The following MPPED2 variants were observed in gnomAD, a reference collection of about 807,000 sequenced individuals.
MPPED2 encodes the protein metallophosphoesterase domain containing 2, also known as metallophosphoesterase MPPED2.
In MPPED2, 5 loss-of-function variants were observed where a neutral mutation model predicts 33.0. The ratio of observed to expected loss-of-function variants is 0.15; its 90% CI spans 0.08 to 0.32. The LOEUF (loss-of-function observed/expected upper bound fraction) is 0.32. Ranked by LOEUF, MPPED2 falls within the 10% of genes least tolerant of loss-of-function variation. MPPED2 has a pLI of 1.00. For synonymous variants in MPPED2, 136 were observed against 141.9 expected, an observed-to-expected ratio of 0.96 and a Z score of 0.29; for missense variants, 275 against 372.1, an observed-to-expected ratio of 0.74 and a Z score of 2.15.
intron 4 of MPPED2, among the ~76,000 whole-genome samples, chr11:30,431,601 G>A (rs1949080079): frequency 6.6e-6 from 1 of 152,192 alleles, no homozygotes; most frequent in Non-Finnish European, 1.5e-5. Flanking sequence ...TGATAAAGCA[G>A]ATGGTGGAAA....
chr11:30,513,551 A>C (rs773875553), intron 3 of MPPED2, among the ~76,000 whole-genome samples: 1 of 152,230 alleles, frequency 6.6e-6, no homozygotes, highest in Non-Finnish European at 1.5e-5. Flanking sequence ...AAACTATTCA[A>C]CTGTAGATGG....
At chr11:30,420,355 A>G (rs1325568357) in intron 4 of MPPED2, among the ~76,000 whole-genome samples, 1 of 152,202 alleles carries the variant, frequency 6.6e-6, no homozygotes, top group African/African-American at 2.4e-5. Context: ...AAAAACCCAG[A>G]TCTTCCTATA....
intron 3 of MPPED2, among the ~76,000 whole-genome samples, chr11:30,521,415 C>A (rs1238415668): frequency 6.6e-6 from 1 of 152,170 alleles, no homozygotes; most frequent in Non-Finnish European, 1.5e-5. Context: ...AACATGACTT[C>A]AAGTTTCCAC....
intron 2 of MPPED2, among the ~76,000 whole-genome samples, chr11:30,550,305 T>C (rs138517703): frequency 0.011 from 1,702 of 152,276 alleles, 20 homozygotes; most frequent in Non-Finnish European, 0.014. Flanking sequence ...CTGTAGCATG[T>C]CATCTATACT....
At position 30,454,461 on chromosome 11, in the gene MPPED2, A is replaced by G. The variant is rs1355056693; in HGVS notation, c.537-36828T>C. Among the ~76,000 whole-genome samples the G allele has an allele frequency of 4.6e-5, 7 of 152,214 alleles. No homozygotes were observed. In the East Asian group the frequency reaches 1.3e-3, roughly 29 times the overall value. On this transcript the variant is annotated intron_variant, in intron 4 of 6. Transcript: ENST00000358117. ...GTGTGGGGGTGGAAATAAAAGAAAA[A>G]AAATCACCAGAGGAAAAAAAATTAT...
chr11:30,402,473 A>G (rs1043149530), intron 6 of MPPED2, among the ~76,000 whole-genome samples: 2 of 152,204 alleles, frequency 1.3e-5, no homozygotes, highest in Non-Finnish European at 2.9e-5. Context: ...CTGGTCCCCC[A>G]TAAAAGCTAG....
At chr11:30,402,988 G>C (rs1947930846) in intron 6 of MPPED2, among the ~76,000 whole-genome samples, 2 of 152,202 alleles carry the variant, frequency 1.3e-5, no homozygotes, top group Non-Finnish European at 2.9e-5. Context: ...GCTCATGCCT[G>C]TATTCCCAGC....
chr11:30,584,424 G>A (rs961870388), intron 1 of MPPED2, among the ~76,000 whole-genome samples: 1 of 150,300 alleles, frequency 6.7e-6, no homozygotes, highest in Non-Finnish European at 1.5e-5. Context: ...GGCTCTTCCC[G>A]GCTACAACTT....
intron 4 of MPPED2, among the ~76,000 whole-genome samples, chr11:30,474,370 G>C (rs1181208293): frequency 1.3e-5 from 2 of 152,118 alleles, no homozygotes; most frequent in African/African-American, 4.8e-5. Context: ...TTATCTTTGA[G>C]AGAGAGGGTA....
intron 4 of MPPED2, among the ~76,000 whole-genome samples, chr11:30,488,232 ATTG>A (rs1951827234): frequency 6.6e-6 from 1 of 152,224 alleles, no homozygotes; most frequent in East Asian, 1.9e-4. Flanking sequence ...TGGTTAAAGA[ATTG>A]TTGTGAGCCC....
chr11:30,433,773 A>T (rs1156571109), intron 4 of MPPED2, among the ~76,000 whole-genome samples: 6 of 152,222 alleles, frequency 3.9e-5, no homozygotes, highest in African/African-American at 1.2e-4. Flanking sequence ...ATTTCAGAGG[A>T]AATCTAGGCT....
At chr11:30,398,566 A>AG (rs1048531595) in intron 6 of MPPED2, among the ~76,000 whole-genome samples, 2 of 152,156 alleles carry the variant, frequency 1.3e-5, no homozygotes, top group Admixed American at 6.5e-5. Context: ...GAGGCTACTA[A>AG]GTTGCCTGAA....
chr11:30,519,543 T>TA (rs985823922), intron 3 of MPPED2, among the ~76,000 whole-genome samples: 2 of 151,730 alleles, frequency 1.3e-5, no homozygotes, highest in African/African-American at 4.8e-5. Context: ...TGTAAAATCA[T>TA]AAAAAATGAT....
At chr11:30,544,839 C>G (rs995264495) in intron 2 of MPPED2, among the ~76,000 whole-genome samples, 1 of 152,068 alleles carries the variant, frequency 6.6e-6, no homozygotes, top group Non-Finnish European at 1.5e-5. Context: ...TTCAAATGCA[C>G]GAGACAAAGG....
chr11:30,567,464 C>T (rs1164620486), intron 2 of MPPED2, among the ~76,000 whole-genome samples: 1 of 152,070 alleles, frequency 6.6e-6, no homozygotes, highest in Non-Finnish European at 1.5e-5. Flanking sequence ...AATCCTTTTT[C>T]CCAGCCTCCC....
chr11:30,427,940 G>C (rs1948913589), intron 4 of MPPED2, among the ~76,000 whole-genome samples: 1 of 152,134 alleles, frequency 6.6e-6, no homozygotes, highest in East Asian at 1.9e-4. Flanking sequence ...GGAAGAATTT[G>C]GAGAATTCAA....
intron 6 of MPPED2, among the ~76,000 whole-genome samples, chr11:30,398,846 A>G (rs1947870832): frequency 6.6e-6 from 1 of 152,142 alleles, no homozygotes; most frequent in South Asian, 2.1e-4. Context: ...CCAAAAACTG[A>G]AAACTTGACT....
chr11:30,536,787 TAA>T (rs1188669312), intron 2 of MPPED2, among the ~76,000 whole-genome samples: 3 of 141,216 alleles, frequency 2.1e-5, no homozygotes, highest in Non-Finnish European at 1.6e-5. Flanking sequence ...CTTTAAAAAT[TAA>T]AAAAAAAAAA....
At chr11:30,490,035 C>T (rs1295064688) in intron 4 of MPPED2, among the ~76,000 whole-genome samples, 1 of 151,956 alleles carries the variant, frequency 6.6e-6, no homozygotes, top group Non-Finnish European at 1.5e-5. Context: ...ATCAAAAATA[C>T]AAAGATGATT....
Sources: allele counts gnomAD v4.1 joint callset (sites outside exome capture counted in the v4.1 genomes callset), GRCh38; gene constraint gnomAD v4.1.1; transcripts MANE v1.5; gene names NCBI Gene and HGNC (gene_info 2026-07-23, HGNC 2026-07-21).